Variants in ARMH1 observed in about 807,000 individuals in gnomAD.
ARMH1 encodes the protein armadillo-like helical domain containing protein 1.
Under a neutral mutation model 50.2 loss-of-function variants are expected in ARMH1, and 34 were observed. The ratio of observed to expected loss-of-function variants is 0.68; its 90% CI spans 0.51 to 0.90. The LOEUF is 0.90. Among genes scored for constraint, ARMH1 ranks in the 40% least tolerant of loss-of-function variants. The pLI is 0.00. For synonymous variants in ARMH1, 221 were observed against 224.2 expected, an observed-to-expected ratio of 0.99 and a Z score of 0.13; for missense variants, 538 against 553.9, an observed-to-expected ratio of 0.97 and a Z score of 0.29.
intron 6 of ARMH1, among the ~76,000 whole-genome samples, chr1:44,715,751 G>A (rs778122627): frequency 2.0e-5 from 3 of 152,152 alleles, no homozygotes; most frequent in South Asian, 4.1e-4. Flanking sequence ...GTAAAGACAG[G>A]GTTTCACAAT....
intron 6 of ARMH1, among the ~76,000 whole-genome samples, chr1:44,708,391 G>A (rs1646439028): frequency 1.3e-5 from 2 of 152,192 alleles, no homozygotes; most frequent in South Asian, 4.1e-4. Flanking sequence ...ATCTCAAAAG[G>A]GCAGGGTTGG....
At chr1:44,679,672 C>T (rs1042531012) in intron 1 of ARMH1, among the ~76,000 whole-genome samples, 1 of 152,202 alleles carries the variant, frequency 6.6e-6, no homozygotes, top group Non-Finnish European at 1.5e-5. Flanking sequence ...TGTAAAACAC[C>T]TCGTAGACTT....
chr1:44,707,623 T>C (rs1646403522), intron 6 of ARMH1, among the ~76,000 whole-genome samples: 1 of 152,164 alleles, frequency 6.6e-6, no homozygotes, highest in Non-Finnish European at 1.5e-5. Context: ...GGTCTCCCTA[T>C]GTTGCCCAGG....
In ARMH1 at chr1:44,725,578, C is replaced by G; in HGVS notation, c.*175C>G. ...CTGGCTGCGAAGAGTCAATAAACAG[C>G]CTTGATACCTGTCTGTTCTTTGTGT... On this transcript the variant is annotated 3_prime_UTR_variant, in exon 12 of 12. Coordinates refer to ENST00000535358, the MANE Select transcript of ARMH1 (RefSeq NM_001145636.2). 1.5e-6 allele frequency: 1 copy of G among 645,286 alleles called. No individual in the cohort carries two copies. Among genetic ancestry groups the G allele is most frequent in the Non-Finnish European group, 2.7e-6 (1 of 365,140 alleles). 40.0% of individuals were successfully genotyped at this position (645,286 alleles called of 1,614,324 possible). A position where few individuals can be genotyped will look rare whatever the true frequency, so the allele number is the denominator to read the frequency against.
chr1:44,706,518 TC>T (rs1167045130), intron 6 of ARMH1, among the ~76,000 whole-genome samples: 1 of 152,082 alleles, frequency 6.6e-6, no homozygotes, highest in Admixed American at 6.6e-5. Flanking sequence ...GCACTGAGGT[TC>T]ACGTACGCAA....
chr1:44,679,893 G>A lies in ARMH1; in HGVS notation c.-23+5020G>A, dbSNP rs144932144. Among the ~76,000 whole-genome samples the A allele has an allele frequency of 9.6e-3, 1,470 of 152,362 alleles. 13 individuals carry two copies. The highest frequency in any genetic ancestry group is 0.014 in the Non-Finnish European group (978 of 68,042). On this transcript the variant is annotated intron_variant, in intron 1 of 11. Coordinates refer to ENST00000535358, the MANE Select transcript of ARMH1 (RefSeq NM_001145636.2). ...CCAGGTCCTAGGGACACAGAGACAG[G>A]GAAGACCAACCCCTGCCCTTGAGGA...
intron 6 of ARMH1, among the ~76,000 whole-genome samples, chr1:44,717,513 A>C (rs894810716): frequency 6.6e-6 from 1 of 151,364 alleles, no homozygotes; most frequent in South Asian, 2.1e-4. Flanking sequence ...TATCATCTCC[A>C]CTCCATCAAC....
At chr1:44,685,955 A>G (rs1179938317) in intron 1 of ARMH1, among the ~76,000 whole-genome samples, 1 of 152,174 alleles carries the variant, frequency 6.6e-6, no homozygotes, top group African/African-American at 2.4e-5. Flanking sequence ...GCGGAGTTAT[A>G]TACCCAGCCA....
chr1:44,708,255 A>G (rs1233861827), intron 6 of ARMH1, among the ~76,000 whole-genome samples: 7 of 152,226 alleles, frequency 4.6e-5, no homozygotes, highest in African/African-American at 1.7e-4. Context: ...GAGTTTGAGT[A>G]TACCAAATTG....
rs115930684 is a variant in ARMH1 at position 44,682,215 on chromosome 1, A to G, written c.-23+7342A>G. Among the ~76,000 whole-genome samples the G allele has an allele frequency of 0.013, 2,026 of 152,322 alleles. 46 individuals are homozygous for G. Among genetic ancestry groups the G allele is most frequent in the African/African-American group, 0.046 (1,902 of 41,562 alleles). ...ACTTATTGAGTGCCTGTGTTTTACC[A>G]GAGACCCTGCTAGCCACCCAAATTA... On this transcript the variant is annotated intron_variant, in intron 1 of 11. Coordinates refer to ENST00000535358, the MANE Select transcript of ARMH1 (RefSeq NM_001145636.2). The surrounding 1 kb of genome is among the most constrained non-coding windows in gnomAD (Gnocchi z 4.5).
chr1:44,722,324 T>A (rs1647397026), intron 6 of ARMH1, among the ~76,000 whole-genome samples: 1 of 151,784 alleles, frequency 6.6e-6, no homozygotes, highest in Non-Finnish European at 1.5e-5. Flanking sequence ...GAGGCAGAGG[T>A]AGGAGGATCG....
intron 4 of ARMH1, among the ~76,000 whole-genome samples, chr1:44,699,616 ATTTTTGTTATTTT>A (rs1645967971): frequency 6.6e-6 from 1 of 151,740 alleles, no homozygotes; most frequent in Non-Finnish European, 1.5e-5. Flanking sequence ...TGCCTGGCTA[ATTTTTGTTATTTT>A]TAGTAGAGAC....
chr1:44,692,614 C>T lies in ARMH1; in HGVS notation c.206+2711C>T, dbSNP rs189823003. On this transcript the variant is annotated intron_variant, in intron 2 of 11. Transcript: ENST00000535358. ...GAAGAATTAAAGGTTTAAGTAAACA[C>T]TGCTCTCTTTCTTACATTTAAGTTA... 1.1e-4 allele frequency among the ~76,000 whole-genome samples: 16 copies of T among 152,282 alleles called. No homozygotes were observed. The East Asian group carries it at 2.9e-3, about 28-fold the overall frequency.
intron 6 of ARMH1, among the ~76,000 whole-genome samples, chr1:44,706,302 T>C (rs1281352048): frequency 6.6e-6 from 1 of 152,146 alleles, no homozygotes; most frequent in Non-Finnish European, 1.5e-5. Flanking sequence ...GAAGAGAGCA[T>C]GGACAGCACA....
intron 4 of ARMH1, among the ~76,000 whole-genome samples, chr1:44,700,165 A>G (rs1169761697): frequency 2.0e-5 from 3 of 151,930 alleles, no homozygotes; most frequent in Non-Finnish European, 4.4e-5. Context: ...CCCACCCTGC[A>G]TTCTCATCAA....
intron 2 of ARMH1, among the ~76,000 whole-genome samples, chr1:44,691,544 C>T (rs955319357): frequency 2.6e-5 from 4 of 152,132 alleles, no homozygotes; most frequent in Non-Finnish European, 4.4e-5. Context: ...GCATTTCCCG[C>T]TCTTCTTCAG....
At chr1:44,721,116 T>C (rs1647094948) in intron 6 of ARMH1, among the ~76,000 whole-genome samples, 1 of 138,216 alleles carries the variant, frequency 7.2e-6, no homozygotes, top group Non-Finnish European at 1.6e-5. Context: ...CTGATACCTC[T>C]AGCATACATA....
rs1421397057 is a variant in ARMH1, at chr1:44,724,077, C to G, written c.725-45C>G. ...ACGGGGTTCTTTGCTTCCTCGGTGG[C>G]GGAGGGGCCTGGGGCCTCTCTCCAG... On this transcript the variant is annotated intron_variant, in intron 6 of 11. Transcript: ENST00000535358. The surrounding 1 kb of genome is among the most constrained non-coding windows in gnomAD (Gnocchi z 6.4). 1 of 1,530,862 alleles carries G rather than the reference C, an allele frequency of 6.5e-7. No individual in the cohort carries two copies. Among genetic ancestry groups the G allele is most frequent in the Admixed American group, 2.1e-5 (1 of 46,982 alleles). 94.8% of individuals were successfully genotyped at this position (1,530,862 alleles called of 1,614,324 possible). A position where few individuals can be genotyped will look rare whatever the true frequency, so the allele number is the denominator to read the frequency against.
chr1:44,677,484 GA>G (rs111652073), intron 1 of ARMH1, among the ~76,000 whole-genome samples: 6,167 of 151,970 alleles, frequency 0.041, 280 homozygotes, highest in African/African-American at 0.087. Flanking sequence ...ATAGGAGAGT[GA>G]AAAAAAATGT....
Sources: allele counts gnomAD v4.1 joint callset (sites outside exome capture counted in the v4.1 genomes callset), GRCh38; gene constraint gnomAD v4.1.1; non-coding constraint Gnocchi (gnomAD v3.1); transcripts MANE v1.5; gene names NCBI Gene and HGNC (gene_info 2026-07-23, HGNC 2026-07-21).